The following WDR4 variants were observed in gnomAD, a reference collection of about 807,000 sequenced individuals.
WDR4 encodes the protein WDR4 tRNA N7-guanosine methyltransferase non-catalytic subunit.
In WDR4, 47 loss-of-function variants were observed where a neutral mutation model predicts 48.6. That is an observed-to-expected ratio of 0.97 (90% confidence interval 0.77 to 1.23). The LOEUF (loss-of-function observed/expected upper bound fraction) is 1.23. WDR4 is among the 50% of genes most tolerant of loss of function. WDR4 has a pLI of 0.00. For synonymous variants in WDR4, 268 were observed against 230.0 expected (o/e 1.17, Z -1.49); for missense variants, 606 against 551.6 (o/e 1.10, Z -0.99).
chr21:42,878,937 G>C (rs902991713), intron 1 of WDR4: 1 of 987,444 alleles, frequency 1.0e-6, no homozygotes, highest in Non-Finnish European at 1.2e-6. Flanking sequence ...TGCAAAAAGA[G>C]GGAGCGCGCT....
At chr21:42,848,413 C>T (rs1314029895), downstream of WDR4, among the ~76,000 whole-genome samples, 3 of 138,960 alleles carry the variant, frequency 2.2e-5, no homozygotes, top group East Asian at 6.6e-4. Flanking sequence ...GCGGCGCGCA[C>T]CTCACTCACA....
intron 4 of WDR4, among the ~76,000 whole-genome samples, chr21:42,863,127 T>C (rs910641126): frequency 3.3e-5 from 5 of 152,200 alleles, no homozygotes; most frequent in Non-Finnish European, 7.3e-5. Context: ...GCCTTCTTCA[T>C]TCTCCCTGCT....
chr21:42,878,910 G>A (rs2058562731), intron 1 of WDR4: 1 of 971,482 alleles, frequency 1.0e-6, no homozygotes, highest in South Asian at 4.7e-5. Flanking sequence ...AGGCCGGGAA[G>A]AGGGAACAGA....
At chr21:42,892,495 T>TGA in the WDR4 span, among the ~76,000 whole-genome samples, 97,449 of 151,698 alleles carry the variant, frequency 0.64, 33,025 homozygotes, top group African/African-American at 0.86. Context: ...TCGCTAGCTG[T>TGA]GTCAGGAATC....
chr21:42,883,104 A>AAG (rs1387322367), upstream of WDR4, among the ~76,000 whole-genome samples: 6 of 150,280 alleles, frequency 4.0e-5, no homozygotes, highest in Non-Finnish European at 8.9e-5. Flanking sequence ...GTCTCAAAAA[A>AAG]AAAAAAAAAA....
rs182720797 is a variant in WDR4, at chr21:42,861,171, G to A, written c.566+1111C>T. ...CTAAAAATACAAAAAAAAATTAGCC[G>A]GGCGTGGTGGCAGGGGCCTGTAGTC... is the stretch of plus-strand genomic sequence containing the variant. On this transcript the variant is annotated intron_variant, in intron 5 of 10. Coordinates refer to ENST00000398208, the MANE Select transcript of WDR4 (RefSeq NM_018669.6). Among the ~76,000 whole-genome samples, 723 of 151,322 alleles carry A rather than the reference G, an allele frequency of 4.8e-3. 3 individuals are homozygous for A. Among genetic ancestry groups the A allele is most frequent in the African/African-American group, 0.011 (459 of 41,250 alleles).
At chr21:42,892,533 G>A in the WDR4 span, among the ~76,000 whole-genome samples, 6 of 142,786 alleles carry the variant, frequency 4.2e-5, no homozygotes, top group Middle Eastern at 3.5e-3. Context: ...AATGACTGTG[G>A]CAGGGCCTCT....
At chr21:42,873,889 A>C (rs2058430617) in intron 2 of WDR4, among the ~76,000 whole-genome samples, 198 bp from the exon 3 acceptor site, 1 of 152,220 alleles carries the variant, frequency 6.6e-6, no homozygotes, top group African/African-American at 2.4e-5. Flanking sequence ...AGCCTAACTA[A>C]ACAGAAAATC....
chr21:42,877,092 G>A (rs1490470801), intron 1 of WDR4, among the ~76,000 whole-genome samples: 2 of 133,250 alleles, frequency 1.5e-5, no homozygotes, highest in African/African-American at 5.1e-5. Flanking sequence ...GCTCACAGGT[G>A]TGAGCCACTG....
chr21:42,854,708 C>A, intron 7 of WDR4, 82 bp from the exon 8 acceptor site: 2 of 1,348,374 alleles, frequency 1.5e-6, no homozygotes, highest in East Asian at 2.4e-5. Context: ...AGAGCAAGAC[C>A]GAAGGACGCT....
chr21:42,872,032 T>C (rs1166990420), intron 3 of WDR4, among the ~76,000 whole-genome samples: 1 of 151,890 alleles, frequency 6.6e-6, no homozygotes, highest in Admixed American at 6.6e-5. Flanking sequence ...TCACCCAGGC[T>C]GGAGTGCAAC....
At chr21:42,879,193 A>G in intron 1 of WDR4, 1 of 1,331,308 alleles carries the variant, frequency 7.5e-7, no homozygotes, top group Non-Finnish European at 9.6e-7. Flanking sequence ...GGAGCCGGGG[A>G]GCGGACGCCG....
upstream of WDR4, among the ~76,000 whole-genome samples, chr21:42,882,342 C>G (rs2058615400): frequency 6.6e-6 from 1 of 151,508 alleles, no homozygotes; most frequent in Admixed American, 6.6e-5. Context: ...GCGAGCAGAT[C>G]ACCTGAGGTC....
At chr21:42,881,576 C>G (rs953178963), upstream of WDR4, among the ~76,000 whole-genome samples, 22 of 108,492 alleles carry the variant, frequency 2.0e-4, no homozygotes, top group South Asian at 8.7e-4. Context: ...TTTTACAAAT[C>G]CTTCACCGTG....
chr21:42,843,642 C>T (rs1331574960), intron 11 of WDR4, among the ~76,000 whole-genome samples: 3 of 151,794 alleles, frequency 2.0e-5, no homozygotes, highest in Admixed American at 2.0e-4. Context: ...GGCGCGATCT[C>T]GGCTCACTGC....
rs181433883 is a variant in WDR4, at chr21:42,850,760, T to A, written c.1046-518A>T. 1.9e-4 allele frequency among the ~76,000 whole-genome samples: 29 copies of A among 152,090 alleles called. No individual in the cohort carries two copies. The East Asian group carries it at 4.8e-3, about 25-fold the overall frequency. On this transcript the variant is annotated intron_variant, in intron 10 of 10. Transcript: ENST00000398208. The stretch of plus-strand genomic sequence containing the variant: ...CACAGCAACAGTGAGACAGTAAGGG[T>A]GGGGTGCCTTAAGGCATCGAGTGTG...
chr21:42,879,113 C>T, intron 1 of WDR4: 1 of 1,206,228 alleles, frequency 8.3e-7, no homozygotes, highest in Non-Finnish European at 1.0e-6. Flanking sequence ...CCGCGGAGAC[C>T]GGAAGCGACC....
rs1359012755 is a variant in WDR4 at position 42,859,667 on chromosome 21, A to G, written c.622T>C (p.Ser208Pro). 7.1e-7 allele frequency: 1 copy of G among 1,411,384 alleles called. No individual in the cohort carries two copies. The highest frequency in any genetic ancestry group is 9.5e-7 in the Non-Finnish European group (1 of 1,057,644). The allele number at this position is 1,411,384 out of a possible 1,614,324, so 87.4% of individuals were successfully genotyped here. A position where few individuals can be genotyped will look rare whatever the true frequency, so the allele number is the denominator to read the frequency against. The change falls in exon 6 of 11, where the codon TCT becomes CCT. Residue 208 changes from serine to proline, a missense_variant. Physicochemically the swap from Ser to Pro is moderately conservative, Grantham distance 74. Transcript: ENST00000398208. ...ACGCTGGGCAGAACACTTACCCCAG[A>G]GGAGGACAGAAGCAGCCCGGGCTGA... The part of the protein sequence containing the change: ...PTQPGLLLSS[S>P]GDGTLRLWEY...
intron 6 of WDR4, among the ~76,000 whole-genome samples, chr21:42,856,949 G>C (rs1044982991): frequency 2.0e-5 from 3 of 152,162 alleles, no homozygotes; most frequent in Non-Finnish European, 4.4e-5. Flanking sequence ...CAGGCAAGAA[G>C]AGAAGGCAGC....
Sources: allele counts gnomAD v4.1 joint callset (sites outside exome capture counted in the v4.1 genomes callset), GRCh38; gene constraint gnomAD v4.1.1; transcripts MANE v1.5; gene names NCBI Gene and HGNC (gene_info 2026-07-23, HGNC 2026-07-21).